GNAS: variants seen among roughly 807,000 people sequenced by gnomAD.
GNAS encodes the protein GNAS complex locus.
Under a neutral mutation model 54.5 loss-of-function variants are expected in GNAS, and 8 were observed. The observed-to-expected ratio is 0.15, with a 90% CI of 0.09 to 0.26. GNAS has a LOEUF of 0.26. Among genes scored for constraint, GNAS ranks in the 10% least tolerant of loss-of-function variants. The pLI, the probability that GNAS is intolerant of heterozygous loss-of-function variation, is 1.00. For missense variants in GNAS, 170 were observed against 529.8 expected, an observed-to-expected ratio of 0.32 and a Z score of 6.67; for synonymous variants, 204 against 191.4, an observed-to-expected ratio of 1.07 and a Z score of -0.54.
In GNAS at chr20:58,891,436, T is replaced by C; in HGVS notation, c.-291T>C. 1 of 491,940 alleles carries C rather than the reference T, an allele frequency of 2.0e-6. No homozygotes were observed. Among genetic ancestry groups the C allele is most frequent in the Non-Finnish European group, 2.6e-6 (1 of 384,530 alleles). 30.5% of individuals were successfully genotyped at this position (491,940 alleles called of 1,614,324 possible). A position where few individuals can be genotyped will look rare whatever the true frequency, so the allele number is the denominator to read the frequency against. ...CAGCGGCGGCAGCAGCTCCCGCAGC[T>C]CCTGCTCTGGTCCGCCTCGGCCCGG... is the stretch of plus-strand genomic sequence containing the variant. On this transcript the variant is annotated 5_prime_UTR_variant, in exon 1 of 13. Coordinates refer to ENST00000371085, the MANE Select transcript of GNAS (RefSeq NM_000516.7).
At chr20:58,849,516 T>C (rs540785008) in intron 1 of GNAS, among the ~76,000 whole-genome samples, 3 of 152,366 alleles carry the variant, frequency 2.0e-5, no homozygotes, top group Admixed American at 1.3e-4. Context: ...ACTTCAGACC[T>C]TTCCTCCCAG....
chr20:58,891,999 G>GT, intron 1 of GNAS, 134 bp downstream of exon 1: 1 of 780,222 alleles, frequency 1.3e-6, no homozygotes, highest in Non-Finnish European at 1.6e-6. Context: ...GGCTCTGTCT[G>GT]TGGGGGGCGA....
At chr20:58,894,671 T>G (rs575351550) in intron 1 of GNAS, among the ~76,000 whole-genome samples, 1 of 152,212 alleles carries the variant, frequency 6.6e-6, no homozygotes, top group Non-Finnish European at 1.5e-5. Flanking sequence ...CATATATGTA[T>G]TTTTACAAAT....
rs73915938 is a variant in GNAS, at chr20:58,851,219, C to T, written c.43+10333C>T. 5.9e-3 allele frequency among the ~76,000 whole-genome samples: 899 copies of T among 152,316 alleles called. 6 individuals are homozygous for T. Among genetic ancestry groups the T allele is most frequent in the African/African-American group, 0.019 (788 of 41,576 alleles). ...GGGTCCAACTGTGTTCGCCTCCTTC[C>T]GTGCTGCGTGGCCACATGGATGGTG... On this transcript the variant is annotated intron_variant, in intron 1 of 12. Coordinates refer to the GNAS transcript ENST00000306090.
chr20:58,844,446 TA>T (rs2085863767), intron 1 of GNAS, among the ~76,000 whole-genome samples: 1 of 152,178 alleles, frequency 6.6e-6, no homozygotes. Flanking sequence ...CTATTTCCTA[TA>T]ACTTGATGTC....
upstream of GNAS, chr20:58,840,113 C>T (rs202131370): frequency 6.2e-6 from 10 of 1,610,970 alleles, no homozygotes; most frequent in Admixed American, 1.7e-5. This position sits in a 1 kb window ranked among gnomAD's most constrained non-coding sequence, Gnocchi z 6.0. Flanking sequence ...GAGGATGGAT[C>T]GGAGGTCCCG....
At position 58,853,231 on chromosome 20, in the gene GNAS, G is replaced by C. The variant is rs1182374089; in HGVS notation, c.43+12345G>C. The C allele has an allele frequency of 6.6e-7, 1 of 1,515,560 alleles. No individual in the cohort carries two copies. Among genetic ancestry groups the C allele is most frequent in the Non-Finnish European group, 8.9e-7 (1 of 1,126,808 alleles). The allele number at this position is 1,515,560 out of a possible 1,614,324, so 93.9% of individuals were successfully genotyped here. A position where few individuals can be genotyped will look rare whatever the true frequency, so the allele number is the denominator to read the frequency against. The stretch of plus-strand genomic sequence containing the variant: ...TCGGTTGGGTGCTCCATCTTACGGA[G>C]CCCCAAACTTATTTTGAGAGGCCGC... On this transcript the variant is annotated intron_variant, in intron 1 of 12. Coordinates refer to the GNAS transcript ENST00000306090. This position sits in a 1 kb window ranked among gnomAD's most constrained non-coding sequence, Gnocchi z 4.4.
chr20:58,874,367 C>T (rs1041413709), intron 1 of GNAS, among the ~76,000 whole-genome samples: 1 of 152,224 alleles, frequency 6.6e-6, no homozygotes, highest in Non-Finnish European at 1.5e-5. Context: ...CAGGATCTTT[C>T]AAGACTAAAA....
chr20:58,910,545 T>C lies in GNAS; in HGVS notation c.1039-138T>C. 8.3e-7 allele frequency: 1 copy of C among 1,204,060 alleles called. No homozygotes were observed. The highest frequency in any genetic ancestry group is 1.2e-6 in the Non-Finnish European group (1 of 819,042). The allele number at this position is 1,204,060 out of a possible 1,614,324, so 74.6% of individuals were successfully genotyped here. A position where few individuals can be genotyped will look rare whatever the true frequency, so the allele number is the denominator to read the frequency against. On this transcript the variant is annotated intron_variant, in intron 12 of 12. Coordinates refer to ENST00000371085, the MANE Select transcript of GNAS (RefSeq NM_000516.7). This position sits in a 1 kb window ranked among gnomAD's most constrained non-coding sequence, Gnocchi z 5.8. ...CACATCCAGTGTGGATTTGAGCTCT[T>C]TGCGCCCCTCTTTTTGCTTTTGTTT...
intron 1 of GNAS, among the ~76,000 whole-genome samples, chr20:58,894,908 G>C (rs977743674): frequency 1.3e-5 from 2 of 152,150 alleles, no homozygotes; most frequent in Non-Finnish European, 1.5e-5. Flanking sequence ...GATAATTGAT[G>C]GTCTCCCCTT....
chr20:58,890,252 GGCCGCCGCC>G (rs569980417), upstream of GNAS, among the ~76,000 whole-genome samples: 27 of 150,982 alleles, frequency 1.8e-4, no homozygotes, highest in Admixed American at 6.6e-4. Flanking sequence ...GATGCCCCGA[GGCCGCCGCC>G]GCCGCGGCCG....
At chr20:58,871,322 T>A (rs1249680422) in intron 1 of GNAS, among the ~76,000 whole-genome samples, 1 of 152,034 alleles carries the variant, frequency 6.6e-6, no homozygotes, top group Non-Finnish European at 1.5e-5. Context: ...AGAGATTAAA[T>A]TTAAAAATTT....
chr20:58,894,308 T>C (rs533584401), intron 1 of GNAS, among the ~76,000 whole-genome samples: 1 of 152,372 alleles, frequency 6.6e-6, no homozygotes, highest in Admixed American at 6.5e-5. Context: ...TATTGTTTCC[T>C]TGGCCTCTCT....
intron 1 of GNAS, among the ~76,000 whole-genome samples, chr20:58,892,942 C>T (rs1010242255): frequency 9.0e-5 from 13 of 144,792 alleles, no homozygotes. Context: ...ACACATTTTC[C>T]TGCTGGCTGG....
chr20:58,853,383 G>C lies in GNAS; in HGVS notation c.43+12497G>C. The C allele has an allele frequency of 6.4e-7, 1 of 1,559,896 alleles. No individual in the cohort carries two copies. Among genetic ancestry groups the C allele is most frequent in the Non-Finnish European group, 8.7e-7 (1 of 1,152,516 alleles). On this transcript the variant is annotated intron_variant, in intron 1 of 12. Coordinates refer to the GNAS transcript ENST00000306090. This position sits in a 1 kb window ranked among gnomAD's most constrained non-coding sequence, Gnocchi z 4.4. ...GGAGGCCCCAGGGGCAGCTGCCCCCGGTGCTGGGCCTAGCCCAGCCGAAGA... is the reference window on the plus strand; with the variant it reads ...GGAGGCCCCAGGGGCAGCTGCCCCCCGTGCTGGGCCTAGCCCAGCCGAAGA...
intron 2 of GNAS, among the ~76,000 whole-genome samples, 172 bp downstream of exon 2, chr20:58,895,856 A>AC (rs2089995715): frequency 6.6e-6 from 1 of 151,276 alleles, no homozygotes; most frequent in Non-Finnish European, 1.5e-5. Context: ...CTCACCCCCC[A>AC]CCCCCTTGGA....
chr20:58,889,055 C>T (rs1291624680), upstream of GNAS: 14 of 1,011,448 alleles, frequency 1.4e-5, no homozygotes, highest in Non-Finnish European at 1.7e-5. Flanking sequence ...GGGTGCGTCC[C>T]CGGTGGGCCG....
At chr20:58,890,185 T>C (rs1336129973), upstream of GNAS, among the ~76,000 whole-genome samples, 2 of 150,866 alleles carry the variant, frequency 1.3e-5, no homozygotes, top group Non-Finnish European at 3.0e-5. Flanking sequence ...AGGAAGAAGA[T>C]GGAGAAGATG....
intron 1 of GNAS, among the ~76,000 whole-genome samples, chr20:58,865,935 T>C (rs2087041851): frequency 6.6e-6 from 1 of 152,194 alleles, no homozygotes; most frequent in African/African-American, 2.4e-5. Flanking sequence ...TTAGGGTTTC[T>C]TAAGGATGCC....
Sources: gnomAD v4.1 joint callset for allele counts (sites outside exome capture counted in the v4.1 genomes callset) on GRCh38, gnomAD v4.1.1 for gene constraint, Gnocchi (gnomAD v3.1) non-coding constraint, MANE v1.5 for transcripts, NCBI Gene and HGNC (gene_info 2026-07-23, HGNC 2026-07-21) for gene names.